The following TMPRSS15 variants were observed in gnomAD, a reference collection of about 807,000 sequenced individuals.
TMPRSS15 encodes transmembrane serine protease 15.
Under a neutral mutation model 125.3 loss-of-function variants are expected in TMPRSS15, and 128 were observed. The observed-to-expected ratio is 1.02, with a 90% CI of 0.89 to 1.18. The LOEUF (loss-of-function observed/expected upper bound fraction) is 1.18. TMPRSS15 is among the 50% of genes most tolerant of loss of function. The pLI is 0.00. For synonymous variants in TMPRSS15, 446 were observed against 423.2 expected, an observed-to-expected ratio of 1.05 and a Z score of -0.66; for missense variants, 1,283 against 1,212.7, an observed-to-expected ratio of 1.06 and a Z score of -0.86.
At chr21:18,329,432 G>A (rs955114209) in intron 14 of TMPRSS15, 138 bp from the exon 15 acceptor site, 1 of 785,192 alleles carries the variant, frequency 1.3e-6, no homozygotes. Flanking sequence ...GTTTCAAGGT[G>A]TTTCTTTTTT....
At chr21:18,345,656 A>G (rs1035357564) in intron 10 of TMPRSS15, among the ~76,000 whole-genome samples, 13 of 134,886 alleles carry the variant, frequency 9.6e-5, no homozygotes, top group East Asian at 2.5e-4. Flanking sequence ...CAGGAGAATG[A>G]CGTGAACCCG....
intron 23 of TMPRSS15, among the ~76,000 whole-genome samples, chr21:18,276,053 CTA>C (rs2074615948): frequency 1.3e-5 from 2 of 152,280 alleles, no homozygotes; most frequent in Admixed American, 1.3e-4. Flanking sequence ...ATTAGCATTT[CTA>C]TTTTGTTCCT....
intron 21 of TMPRSS15, among the ~76,000 whole-genome samples, chr21:18,288,912 A>T (rs929491140): frequency 3.9e-5 from 6 of 152,172 alleles, no homozygotes; most frequent in Non-Finnish European, 8.8e-5. Context: ...TCTGAAGAAC[A>T]TTATATATTA....
At chr21:18,332,297 A>C in intron 13 of TMPRSS15, 124 bp from the exon 14 acceptor site, 1 of 831,170 alleles carries the variant, frequency 1.2e-6, no homozygotes. Context: ...TAAATTTTAG[A>C]GTCATGTTAG....
chr21:18,278,924 GTTTTTT>G (rs59972471), intron 23 of TMPRSS15, 34 bp downstream of exon 23: 118 of 439,916 alleles, frequency 2.7e-4, no homozygotes, highest in Middle Eastern at 6.5e-4. Flanking sequence ...CACCAGTAAG[GTTTTTT>G]TTTTTTTTTT....
intron 7 of TMPRSS15, among the ~76,000 whole-genome samples, chr21:18,364,533 G>T (rs1473362451): frequency 6.6e-6 from 1 of 152,100 alleles, no homozygotes; most frequent in Non-Finnish European, 1.5e-5. Flanking sequence ...GGTGTTCCTT[G>T]TCTATGAAAA....
chr21:18,400,672 G>A (rs903700560), intron 1 of TMPRSS15, among the ~76,000 whole-genome samples: 5 of 152,102 alleles, frequency 3.3e-5, no homozygotes, highest in Admixed American at 3.3e-4. Flanking sequence ...ATGCTTGGCA[G>A]AGAATTTAGG....
intron 1 of TMPRSS15, among the ~76,000 whole-genome samples, chr21:18,445,670 A>G (rs76995131): frequency 0.013 from 1,999 of 152,288 alleles, 46 homozygotes; most frequent in African/African-American, 0.045. Flanking sequence ...CACAAATAAA[A>G]CAATTAGATA....
intron 1 of TMPRSS15, among the ~76,000 whole-genome samples, chr21:18,448,942 A>G (rs1363856932): frequency 6.6e-6 from 1 of 152,112 alleles, no homozygotes; most frequent in Non-Finnish European, 1.5e-5. Context: ...CTTTTTTTGA[A>G]ACAGACAAAC....
intron 1 of TMPRSS15, among the ~76,000 whole-genome samples, chr21:18,441,216 C>T (rs532423450): frequency 5.9e-5 from 9 of 152,012 alleles, no homozygotes; most frequent in African/African-American, 1.9e-4. Context: ...TCGCTTGAAC[C>T]TGGGAGGTGG....
intron 5 of TMPRSS15, 95 bp from the exon 6 acceptor site, chr21:18,372,419 T>C (rs2075801593): frequency 7.4e-6 from 8 of 1,074,282 alleles, no homozygotes; most frequent in Middle Eastern, 2.1e-4. Flanking sequence ...TTCTTACTTA[T>C]AAGTATGTTC....
chr21:18,410,839 C>T (rs1569063567), intron 1 of TMPRSS15, among the ~76,000 whole-genome samples: 1 of 152,094 alleles, frequency 6.6e-6, no homozygotes, highest in Non-Finnish European at 1.5e-5. Flanking sequence ...GAACTAAAGA[C>T]TATGCCAATT....
intron 22 of TMPRSS15, among the ~76,000 whole-genome samples, chr21:18,279,685 T>C (rs2146867169): frequency 6.6e-6 from 1 of 152,080 alleles, no homozygotes; most frequent in Non-Finnish European, 1.5e-5. Context: ...AGGTAATCAT[T>C]TATATTTTAT....
intron 2 of TMPRSS15, 106 bp downstream of exon 2, chr21:18,398,093 G>T: frequency 1.4e-6 from 2 of 1,385,520 alleles, no homozygotes; most frequent in Non-Finnish European, 2.0e-6. Flanking sequence ...TGAGTATCTT[G>T]GGCATATTAC....
At chr21:18,426,100 A>G (rs2076202112) in intron 1 of TMPRSS15, among the ~76,000 whole-genome samples, 2 of 152,062 alleles carry the variant, frequency 1.3e-5, no homozygotes, top group Admixed American at 1.3e-4. Context: ...TTCCAGCTTC[A>G]AGGGCCCACA....
chr21:18,381,027 T>C (rs952473032), intron 4 of TMPRSS15, among the ~76,000 whole-genome samples: 2 of 152,096 alleles, frequency 1.3e-5, no homozygotes, highest in Non-Finnish European at 2.9e-5. Context: ...AAGTAAAAAG[T>C]GCTTTGCACA....
chr21:18,448,448 G>A (rs1251682368), intron 1 of TMPRSS15, among the ~76,000 whole-genome samples: 1 of 152,132 alleles, frequency 6.6e-6, no homozygotes, highest in East Asian at 1.9e-4. Context: ...TACCTTTAAA[G>A]TGGAAATAAT....
intron 1 of TMPRSS15, among the ~76,000 whole-genome samples, chr21:18,422,606 C>T (rs535168474): frequency 5.3e-5 from 8 of 152,100 alleles, no homozygotes; most frequent in Non-Finnish European, 7.3e-5. Context: ...ACAGTAGTAG[C>T]GTGGCAGGTG....
At chr21:18,334,745 C>T (rs559855987) in intron 13 of TMPRSS15, among the ~76,000 whole-genome samples, 119 of 152,290 alleles carry the variant, frequency 7.8e-4, no homozygotes, top group Middle Eastern at 3.4e-3. Context: ...TGGTTAATCT[C>T]GAGCTCATCC....
Sources: allele counts gnomAD v4.1 joint callset (sites outside exome capture counted in the v4.1 genomes callset), GRCh38; gene constraint gnomAD v4.1.1; transcripts MANE v1.5; gene names NCBI Gene and HGNC (gene_info 2026-07-23, HGNC 2026-07-21).